KCTD1: variants seen among roughly 807,000 people sequenced by gnomAD.
KCTD1 encodes the protein potassium channel tetramerization domain containing 1.
A neutral mutation model predicts 66.0 loss-of-function variants in KCTD1; 24 were observed. The ratio of observed to expected loss-of-function variants is 0.36; its 90% CI spans 0.26 to 0.51. The LOEUF (loss-of-function observed/expected upper bound fraction) is 0.51, where lower values mean the gene tolerates loss of function less well. KCTD1 is among the 20% of genes least tolerant of loss of function. The probability of loss-of-function intolerance (pLI) is 0.95; values close to 1 mark genes in which losing one functional copy is unlikely to be tolerated. For synonymous variants in KCTD1, 511 were observed against 517.2 expected, an observed-to-expected ratio of 0.99 and a Z score of 0.16; for missense variants, 943 against 1,205.2, an observed-to-expected ratio of 0.78 and a Z score of 3.22.
intron 2 of KCTD1, among the ~76,000 whole-genome samples, chr18:26,481,635 G>A (rs1420872455): frequency 6.6e-6 from 1 of 152,210 alleles, no homozygotes; most frequent in East Asian, 1.9e-4. Flanking sequence ...GACAGTCAAG[G>A]TGCCACATCT....
At chr18:26,580,081 C>T (rs895468824) in intron 1 of KCTD1, among the ~76,000 whole-genome samples, 2 of 152,178 alleles carry the variant, frequency 1.3e-5, no homozygotes, top group South Asian at 2.1e-4. Context: ...TGCCCAAAGC[C>T]AAGTGGGTGA....
chr18:26,544,103 T>C (rs560958933), intron 1 of KCTD1: 1 of 152,374 alleles, frequency 6.6e-6, no homozygotes, highest in East Asian at 1.9e-4. Flanking sequence ...TGGATCATTT[T>C]AGATCACAAT....
chr18:26,576,656 C>A (rs1003698710), intron 1 of KCTD1, among the ~76,000 whole-genome samples: 1 of 152,128 alleles, frequency 6.6e-6, no homozygotes, highest in Non-Finnish European at 1.5e-5. Flanking sequence ...TAAAGCCTTT[C>A]TTCACATTTA....
rs146149128 is a variant in KCTD1 at position 26,483,747 on chromosome 18, ATG to A, written c.1989-7090_1989-7089del. On this transcript the variant is annotated intron_variant, in intron 2 of 4. Transcript: ENST00000580059. ...TAAGTTGTGGGCATGCACAACGGAG[ATG>A]TGTGTGTGTGTGTGTGTGCACACAT... 2.5e-3 allele frequency among the ~76,000 whole-genome samples: 374 copies of A among 150,126 alleles called. 1 individual carries two copies. The highest frequency in any genetic ancestry group is 6.7e-3 in the African/African-American group (275 of 41,076).
At chr18:26,654,191 T>A (rs1421941856) in intron 1 of KCTD1, among the ~76,000 whole-genome samples, 2 of 152,222 alleles carry the variant, frequency 1.3e-5, no homozygotes, top group African/African-American at 4.8e-5. Flanking sequence ...AGTTCTCTGA[T>A]AAAATACATC....
intron 2 of KCTD1, among the ~76,000 whole-genome samples, chr18:26,484,741 G>A (rs894517917): frequency 1.3e-5 from 2 of 152,156 alleles, no homozygotes; most frequent in Non-Finnish European, 2.9e-5. Flanking sequence ...TGGGTGTCAC[G>A]GAAGGACAGA....
At chr18:26,523,050 T>A (rs1479695709) in intron 1 of KCTD1, among the ~76,000 whole-genome samples, 3 of 152,154 alleles carry the variant, frequency 2.0e-5, no homozygotes, top group Non-Finnish European at 4.4e-5. Context: ...AGAGATATAT[T>A]TTTTTAAAGT....
At chr18:26,630,173 C>A (rs1196604732), upstream of KCTD1, among the ~76,000 whole-genome samples, 1 of 152,186 alleles carries the variant, frequency 6.6e-6, no homozygotes, top group East Asian at 1.9e-4. Context: ...TGCCTTCCTG[C>A]TAATACAGGC....
At chr18:26,545,538 G>C (rs1055044506) in intron 1 of KCTD1, 4 of 151,990 alleles carry the variant, frequency 2.6e-5, no homozygotes, top group Non-Finnish European at 5.9e-5. Flanking sequence ...TTCCACTTTG[G>C]AAAAAGCACA....
At chr18:26,646,009 G>T (rs1020606396) in intron 1 of KCTD1, among the ~76,000 whole-genome samples, 1 of 152,172 alleles carries the variant, frequency 6.6e-6, no homozygotes. Flanking sequence ...TTTGGTAAGG[G>T]GTTGGATAAG....
chr18:26,466,650 T>C (rs1205544960), intron 3 of KCTD1, among the ~76,000 whole-genome samples: 1 of 152,228 alleles, frequency 6.6e-6, no homozygotes, highest in Non-Finnish European at 1.5e-5. Flanking sequence ...GAGATCGTTT[T>C]TATTGCAGCC....
intron 1 of KCTD1, chr18:26,544,003 A>G (rs886436669): frequency 6.6e-6 from 1 of 152,236 alleles, no homozygotes; most frequent in Non-Finnish European, 1.5e-5. Flanking sequence ...ATGCAAAGAG[A>G]ATAGTTATAA....
intron 1 of KCTD1, among the ~76,000 whole-genome samples, chr18:26,648,144 C>A (rs946999786): frequency 1.3e-5 from 2 of 152,128 alleles, no homozygotes; most frequent in Non-Finnish European, 2.9e-5. Context: ...CTGTGCCAGG[C>A]TTTAAATCAC....
At position 26,516,581 on chromosome 18, in the gene KCTD1, T is replaced by C. The variant is rs1598911940; in HGVS notation, c.1810-15331A>G. On this transcript the variant is annotated intron_variant, in intron 1 of 4. Transcript: ENST00000580059. ...AAATGAGCTCACAGATAAATGGTTA[T>C]AGCAAGTAGAATGGAAGATCACAGG... Among the ~76,000 whole-genome samples the C allele has an allele frequency of 2.0e-5, 3 of 152,344 alleles. No homozygotes were observed. The South Asian group carries it at 6.2e-4, about 32-fold the overall frequency.
chr18:26,464,480 T>C (rs1376851991), intron 3 of KCTD1, among the ~76,000 whole-genome samples: 1 of 152,252 alleles, frequency 6.6e-6, no homozygotes, highest in Non-Finnish European at 1.5e-5. Context: ...ATGCAAAGCA[T>C]TGTATTCACA....
chr18:26,557,458 T>A (rs1016646355), intron 1 of KCTD1, among the ~76,000 whole-genome samples: 1 of 152,168 alleles, frequency 6.6e-6, no homozygotes, highest in African/African-American at 2.4e-5. Flanking sequence ...GTTTTTAGAT[T>A]TAGAGCCTGA....
chr18:26,524,578 C>T (rs13381975), intron 1 of KCTD1, among the ~76,000 whole-genome samples: 9,667 of 152,084 alleles, frequency 0.064, 385 homozygotes, highest in South Asian at 0.15. Context: ...CAATATTGTT[C>T]AATTTTTCCC....
chr18:26,605,709 CATAT>C (rs990935019), intron 1 of KCTD1, among the ~76,000 whole-genome samples: 1 of 135,450 alleles, frequency 7.4e-6, no homozygotes. Flanking sequence ...CTAAATACAC[CATAT>C]ATATATCTCT....
chr18:26,593,662 G>A lies in KCTD1; in HGVS notation c.-16+35485C>T, dbSNP rs564181804. ...GGAAGAGAAGGAAGAGGAGGAAGAG[G>A]AGGAGGAGGAAGATGAGGAGGAGGA... is the stretch of plus-strand genomic sequence containing the variant. On this transcript the variant is annotated intron_variant, in intron 1 of 4. Coordinates refer to the KCTD1 transcript ENST00000317932. Among the ~76,000 whole-genome samples, 115 of 112,956 alleles carry A rather than the reference G, an allele frequency of 1.0e-3. 5 individuals carry two copies. Among genetic ancestry groups the A allele is most frequent in the Middle Eastern group, 4.3e-3 (1 of 234 alleles). 74.1% of individuals were successfully genotyped at this position (112,956 alleles called of 152,430 possible). A position where few individuals can be genotyped will look rare whatever the true frequency, so the allele number is the denominator to read the frequency against.
Sources: gnomAD v4.1 joint callset for allele counts (sites outside exome capture counted in the v4.1 genomes callset) on GRCh38, gnomAD v4.1.1 for gene constraint, MANE v1.5 for transcripts, NCBI Gene and HGNC (gene_info 2026-07-23, HGNC 2026-07-21) for gene names.